AGO2: variants seen among roughly 807,000 people sequenced by gnomAD.
AGO2 encodes protein argonaute-2.
A neutral mutation model predicts 102.3 loss-of-function variants in AGO2; 5 were observed. That is an observed-to-expected ratio of 0.05 (90% confidence interval 0.03 to 0.10). AGO2 has a LOEUF of 0.10. AGO2 is among the 10% of genes least tolerant of loss of function. The pLI, the probability that AGO2 is intolerant of heterozygous loss-of-function variation, is 1.00. For synonymous variants in AGO2, 449 were observed against 473.1 expected (o/e 0.95, Z 0.66); for missense variants, 541 against 1,183.7 (o/e 0.46, Z 7.97).
chr8:140,560,895 T>C (rs2073187829), intron 4 of AGO2, among the ~76,000 whole-genome samples: 1 of 152,206 alleles, frequency 6.6e-6, no homozygotes, highest in Admixed American at 6.5e-5. Context: ...GCAGATAGAA[T>C]TGGGCACCTG....
chr8:140,550,801 G>A (rs1053113991), intron 11 of AGO2, among the ~76,000 whole-genome samples: 13 of 152,072 alleles, frequency 8.5e-5, no homozygotes, highest in Non-Finnish European at 1.9e-4. Flanking sequence ...TTTTCGTAGA[G>A]ATGGGCTGGT....
chr8:140,597,108 G>GA (rs111304750), intron 1 of AGO2, among the ~76,000 whole-genome samples: 46 of 151,670 alleles, frequency 3.0e-4, no homozygotes, highest in African/African-American at 9.7e-4. Flanking sequence ...CTGTATAGAA[G>GA]AAAAAAAAAC....
intron 13 of AGO2, among the ~76,000 whole-genome samples, chr8:140,544,867 A>G (rs1459220094): frequency 1.3e-5 from 2 of 152,192 alleles, no homozygotes; most frequent in Non-Finnish European, 2.9e-5. Context: ...AGTATATCCC[A>G]GTGGGGACTT....
chr8:140,554,224 G>A (rs974291060), intron 10 of AGO2, among the ~76,000 whole-genome samples: 1 of 152,340 alleles, frequency 6.6e-6, no homozygotes, highest in African/African-American at 2.4e-5. Flanking sequence ...ACTCATGAAG[G>A]GGGATCACGG....
intron 1 of AGO2, among the ~76,000 whole-genome samples, chr8:140,614,622 C>A (rs1347139042): frequency 6.6e-6 from 1 of 152,218 alleles, no homozygotes; most frequent in Non-Finnish European, 1.5e-5. Flanking sequence ...GGCGTCCTTC[C>A]GGGCCTGGGG....
Position 140,557,288 on chromosome 8 carries a change from C to A in AGO2, c.879-52G>T. Reference sequence around the variant, plus strand: ...CGAGGGCATCCCGGAGCCCCTTCCCCTGCGCTGCTTTTCATTTGCGTTTGC... The same window carrying A: ...CGAGGGCATCCCGGAGCCCCTTCCCATGCGCTGCTTTTCATTTGCGTTTGC... On this transcript the variant is annotated intron_variant, in intron 7 of 18. Coordinates refer to ENST00000220592, the MANE Select transcript of AGO2 (RefSeq NM_012154.5). This position sits in a 1 kb window ranked among gnomAD's most constrained non-coding sequence, Gnocchi z 5.9. 6.5e-7 allele frequency: 1 copy of A among 1,543,960 alleles called. No homozygotes were observed. The highest frequency in any genetic ancestry group is 8.7e-7 in the Non-Finnish European group (1 of 1,145,208).
At chr8:140,560,593 G>A (rs571514194) in intron 4 of AGO2, 83 bp from the exon 5 acceptor site, 256 of 1,496,490 alleles carry the variant, frequency 1.7e-4, no homozygotes, top group East Asian at 2.5e-4. Flanking sequence ...CTTCGCCTGC[G>A]CCCACCACAC....
chr8:140,602,307 T>G (rs2073944159), intron 1 of AGO2, among the ~76,000 whole-genome samples: 1 of 152,220 alleles, frequency 6.6e-6, no homozygotes, highest in Non-Finnish European at 1.5e-5. Flanking sequence ...TATAAGGTCA[T>G]GTTGGCAACA....
At position 140,532,445 on chromosome 8, in the gene AGO2, C is replaced by T. The variant is rs142793586; in HGVS notation, c.2442G>A (p.Arg814=). ...YYAHLVAFRA[R]YHLVDKEHDS... ...CATGTTCCTTATCCACCAGGTGGTACCTGGCCCGGAAGGCCACCAGGTGAG... is the reference window on the plus strand; with the variant it reads ...CATGTTCCTTATCCACCAGGTGGTATCTGGCCCGGAAGGCCACCAGGTGAG... Residue 814 remains arginine (R), a synonymous_variant, in exon 18 of 19, where the codon AGG becomes AGA. Transcript: ENST00000220592. 5.3e-4 allele frequency: 863 copies of T among 1,614,074 alleles called. 7 individuals carry two copies. The South Asian group carries it at 8.5e-3, about 16-fold the overall frequency.
At position 140,597,483 on chromosome 8, in the gene AGO2, C is replaced by CG. The variant is rs2073865081; in HGVS notation, c.23-12173_23-12172insC. On this transcript the variant is annotated intron_variant, in intron 1 of 18. Transcript: ENST00000220592. ...GCTGGGTGGCCCCCCCACCCCCCCC[C>CG]CCCCGCCCCAGGCCTCCCTGCCTGA... 9.4e-5 allele frequency among the ~76,000 whole-genome samples: 13 copies of CG among 138,302 alleles called. 1 individual carries two copies. In the South Asian group the frequency reaches 2.3e-3, roughly 25 times the overall value. 90.7% of individuals were successfully genotyped at this position (138,302 alleles called of 152,430 possible).
At chr8:140,590,887 G>A (rs1027959726) in intron 1 of AGO2, among the ~76,000 whole-genome samples, 2 of 152,172 alleles carry the variant, frequency 1.3e-5, no homozygotes, top group African/African-American at 4.8e-5. Context: ...GCAGCCTCAG[G>A]ACCTCATGGG....
In AGO2 at chr8:140,572,833, G is replaced by A. The variant is rs749081054; in HGVS notation, c.315C>T (p.Pro105=). The change falls in exon 3 of 19, where the codon CCC becomes CCT. Residue 105 remains proline (P), a synonymous_variant. Coordinates refer to ENST00000220592, the MANE Select transcript of AGO2 (RefSeq NM_012154.5). ...DGRKNLYTAM[P]LPIGRDKVEL... is the part of the protein sequence containing the mutation. Reference sequence around the variant, plus strand: ...TTACCTTGTCCCTCCCAATCGGAAGGGGCATGGCTGTGTATAGATTCTTCC... The same window carrying A: ...TTACCTTGTCCCTCCCAATCGGAAGAGGCATGGCTGTGTATAGATTCTTCC... 1.9e-6 allele frequency: 3 copies of A among 1,613,780 alleles called. No individual in the cohort carries two copies. Among genetic ancestry groups the A allele is most frequent in the African/African-American group, 2.7e-5 (2 of 74,972 alleles).
In AGO2 at chr8:140,539,200, G is replaced by A. The variant is rs2072749900; in HGVS notation, c.2169+120C>T. Reference sequence around the variant, plus strand: ...TCCCCATGAAGCCCCTTAGAGGACAGAGTCACCCTAGAGCCTGGGACAGCG... The same window carrying A: ...TCCCCATGAAGCCCCTTAGAGGACAAAGTCACCCTAGAGCCTGGGACAGCG... On this transcript the variant is annotated intron_variant, in intron 16 of 18. Coordinates refer to ENST00000220592, the MANE Select transcript of AGO2 (RefSeq NM_012154.5). The surrounding 1 kb of genome is among the most constrained non-coding windows in gnomAD (Gnocchi z 4.7). 1 of 1,401,166 alleles carries A rather than the reference G, an allele frequency of 7.1e-7. No homozygotes were observed. 86.8% of individuals were successfully genotyped at this position (1,401,166 alleles called of 1,614,324 possible). A position where few individuals can be genotyped will look rare whatever the true frequency, so the allele number is the denominator to read the frequency against.
intron 1 of AGO2, among the ~76,000 whole-genome samples, chr8:140,585,915 T>C (rs900604940): frequency 6.6e-6 from 1 of 152,234 alleles, no homozygotes; most frequent in African/African-American, 2.4e-5. Flanking sequence ...CTAAAAATAA[T>C]ATGAGCTGTT....
chr8:140,598,291 A>G (rs1172409612), intron 1 of AGO2, among the ~76,000 whole-genome samples: 2 of 152,198 alleles, frequency 1.3e-5, no homozygotes, highest in African/African-American at 4.8e-5. Context: ...AGCACCAAAA[A>G]GAATTCTCTT....
chr8:140,541,087 C>G, intron 15 of AGO2, 77 bp downstream of exon 15: 1 of 1,400,704 alleles, frequency 7.1e-7, no homozygotes, highest in Non-Finnish European at 9.6e-7. Flanking sequence ...TGCCATTCAT[C>G]GAGCGTGGTT....
chr8:140,542,769 T>C (rs2072823959), intron 14 of AGO2, among the ~76,000 whole-genome samples: 1 of 152,078 alleles, frequency 6.6e-6, no homozygotes, highest in Non-Finnish European at 1.5e-5. Flanking sequence ...CCTGGCTCCC[T>C]CCTGGGCACA....
At chr8:140,562,213 T>C (rs2073213653) in intron 4 of AGO2, among the ~76,000 whole-genome samples, 1 of 152,198 alleles carries the variant, frequency 6.6e-6, no homozygotes, top group Non-Finnish European at 1.5e-5. Flanking sequence ...GGCACCAGCG[T>C]GCACACAAAT....
intron 16 of AGO2, among the ~76,000 whole-genome samples, chr8:140,535,988 C>T (rs1053051616): frequency 2.0e-5 from 3 of 152,228 alleles, no homozygotes; most frequent in African/African-American, 4.8e-5. Flanking sequence ...AGCACACCGG[C>T]GCTCCAGGCA....
Sources: gnomAD v4.1 joint callset for allele counts (sites outside exome capture counted in the v4.1 genomes callset) on GRCh38, gnomAD v4.1.1 for gene constraint, Gnocchi (gnomAD v3.1) non-coding constraint, MANE v1.5 for transcripts, NCBI Gene and HGNC (gene_info 2026-07-23, HGNC 2026-07-21) for gene names.